Variants in EPHA6 observed in about 807,000 individuals in gnomAD.
EPHA6 encodes the protein ephrin type-A receptor 6.
EPHA6 carries 50 observed loss-of-function variants against 112.0 expected under a neutral mutation model. The ratio of observed to expected loss-of-function variants is 0.45; its 90% confidence interval spans 0.36 to 0.56. The LOEUF (loss-of-function observed/expected upper bound fraction) is 0.56. Among genes scored for constraint, EPHA6 ranks in the 20% least tolerant of loss-of-function variants. EPHA6 has a pLI of 0.00. For synonymous variants in EPHA6, 529 were observed against 490.7 expected, an observed-to-expected ratio of 1.08 and a Z score of -1.03; for missense variants, 1,280 against 1,417.4, an observed-to-expected ratio of 0.90 and a Z score of 1.56.
intron 4 of EPHA6, among the ~76,000 whole-genome samples, chr3:97,229,957 GAA>G (rs1320816174): frequency 1.3e-5 from 2 of 151,878 alleles, no homozygotes; most frequent in Non-Finnish European, 2.9e-5. Flanking sequence ...CTCACTTATG[GAA>G]AAAAGTTTTT....
chr3:97,736,980 TTTTTAG>T (rs1454566925), intron 16 of EPHA6, among the ~76,000 whole-genome samples: 1 of 151,976 alleles, frequency 6.6e-6, no homozygotes, highest in Non-Finnish European at 1.5e-5. Flanking sequence ...CCAGTGCAGG[TTTTTAG>T]TGACAGTAAG....
intron 1 of EPHA6, among the ~76,000 whole-genome samples, chr3:96,833,874 C>G (rs2034240746): frequency 6.6e-6 from 1 of 151,842 alleles, no homozygotes; most frequent in African/African-American, 2.4e-5. Context: ...ATTACTAGAC[C>G]TTATTCATTC....
chr3:97,495,703 A>G (rs2091959123), intron 10 of EPHA6, among the ~76,000 whole-genome samples: 1 of 152,168 alleles, frequency 6.6e-6, no homozygotes, highest in East Asian at 1.9e-4. Flanking sequence ...TCTTATCATA[A>G]GAGCTCAGCA....
chr3:97,521,462 TA>T (rs1285955243), intron 10 of EPHA6, among the ~76,000 whole-genome samples: 2 of 152,116 alleles, frequency 1.3e-5, no homozygotes. Context: ...GAAGAGGAAG[TA>T]AATATGTCCT....
chr3:97,556,384 T>C (rs2093109882), intron 11 of EPHA6, among the ~76,000 whole-genome samples: 1 of 151,590 alleles, frequency 6.6e-6, no homozygotes, highest in Non-Finnish European at 1.5e-5. Context: ...AGGAAAGAGG[T>C]TTAATTCACA....
At chr3:97,390,585 C>T (rs1009413814) in intron 5 of EPHA6, among the ~76,000 whole-genome samples, 1 of 143,280 alleles carries the variant, frequency 7.0e-6, no homozygotes, top group Non-Finnish European at 1.5e-5. Flanking sequence ...AGCTTCTACT[C>T]CCAAAAAGCA....
rs1559810632 is a variant in EPHA6, at chr3:96,897,211, A to ACACAC, written c.450+30322_450+30323insCACAC. On this transcript the variant is annotated intron_variant, in intron 2 of 17. Coordinates refer to ENST00000389672, the MANE Select transcript of EPHA6 (RefSeq NM_001080448.3). ...ATATCTATATATCTGTGTATATACAAACACACACACACACACACACACACA... is the reference window on the plus strand; with the variant it reads ...ATATCTATATATCTGTGTATATACAACACACACACACACACACACACACACACACA... Among the ~76,000 whole-genome samples the ACACAC allele has an allele frequency of 3.3e-3, 468 of 143,420 alleles. 3 individuals are homozygous for ACACAC. The highest frequency in any genetic ancestry group is 0.011 in the African/African-American group (438 of 40,346). 94.1% of individuals were successfully genotyped at this position (143,420 alleles called of 152,430 possible).
chr3:97,511,298 G>T (rs993885543), intron 10 of EPHA6, among the ~76,000 whole-genome samples: 5 of 152,160 alleles, frequency 3.3e-5, no homozygotes, highest in African/African-American at 1.2e-4. Flanking sequence ...TGAAATCCAG[G>T]GCTCTGGTGG....
intron 3 of EPHA6, among the ~76,000 whole-genome samples, chr3:97,168,378 A>T (rs1450635077): frequency 6.6e-6 from 1 of 152,046 alleles, no homozygotes; most frequent in African/African-American, 2.4e-5. Context: ...GGAGGTGATT[A>T]GATCGTGGGG....
intron 11 of EPHA6, among the ~76,000 whole-genome samples, chr3:97,591,282 A>G (rs551510402): frequency 3.2e-4 from 49 of 152,290 alleles, no homozygotes; most frequent in Non-Finnish European, 2.2e-4. Context: ...TTTCTTTACC[A>G]ATAACGTTCT....
intron 3 of EPHA6, among the ~76,000 whole-genome samples, chr3:97,220,897 GTGGATA>G (rs1366008694): frequency 2.0e-5 from 3 of 152,218 alleles, no homozygotes; most frequent in African/African-American, 7.2e-5. Flanking sequence ...AAACTGTGGA[GTGGATA>G]TGAGCAGGGA....
At chr3:97,298,180 T>A (rs2080944891) in intron 5 of EPHA6, among the ~76,000 whole-genome samples, 2 of 152,240 alleles carry the variant, frequency 1.3e-5, no homozygotes, top group Non-Finnish European at 2.9e-5. Flanking sequence ...AGTTTAATGT[T>A]GTACCAAAAC....
At chr3:97,097,601 A>G (rs2047279382) in intron 3 of EPHA6, among the ~76,000 whole-genome samples, 1 of 151,826 alleles carries the variant, frequency 6.6e-6, no homozygotes, top group South Asian at 2.1e-4. Flanking sequence ...ATAGCTTTAT[A>G]TAAAAGATAG....
At chr3:97,598,015 A>C (rs1196815493) in intron 12 of EPHA6, among the ~76,000 whole-genome samples, 1 of 152,234 alleles carries the variant, frequency 6.6e-6, no homozygotes, top group East Asian at 1.9e-4. Context: ...GAAAGTCAAC[A>C]GTGGAAAAGT....
chr3:97,749,352 T>C lies in EPHA6; in HGVS notation c.*651T>C, dbSNP rs993603384. ...TTTATAAATCTTCTGAGGCTGGGTT[T>C]GTCAATTTTTTAAAAATTAACTTTA... On this transcript the variant is annotated 3_prime_UTR_variant, in exon 18 of 18. Transcript: ENST00000389672. The C allele has an allele frequency of 7.2e-5, 15 of 209,042 alleles. No individual in the cohort carries two copies. Among genetic ancestry groups the C allele is most frequent in the Non-Finnish European group, 1.3e-4 (13 of 102,810 alleles). The allele number at this position is 209,042 out of a possible 1,614,324, so 12.9% of individuals were successfully genotyped here.
chr3:97,555,712 G>A (rs1577761457), intron 11 of EPHA6, among the ~76,000 whole-genome samples: 1 of 152,176 alleles, frequency 6.6e-6, no homozygotes, highest in Non-Finnish European at 1.5e-5. Flanking sequence ...TTTTTTGGCT[G>A]CATAAGTGTC....
rs903159125 is a variant in EPHA6, at chr3:97,759,914, T to G, written c.*11213T>G. 2 of 198,380 alleles carry G rather than the reference T, an allele frequency of 1.0e-5. No homozygotes were observed. The highest frequency in any genetic ancestry group is 2.3e-5 in the African/African-American group (1 of 43,462). The allele number at this position is 198,380 out of a possible 1,614,324, so 12.3% of individuals were successfully genotyped here. Reference sequence around the variant, plus strand: ...TTTGAATTCTGTGGTTTCCAAGGACTCTGGTAAGAGTCCTTTCCATAATGT... The same window carrying G: ...TTTGAATTCTGTGGTTTCCAAGGACGCTGGTAAGAGTCCTTTCCATAATGT... On this transcript the variant is annotated 3_prime_UTR_variant, in exon 18 of 18. Transcript: ENST00000389672.
intron 2 of EPHA6, among the ~76,000 whole-genome samples, chr3:96,875,882 C>T (rs1576208495): frequency 6.6e-6 from 1 of 150,954 alleles, no homozygotes; most frequent in African/African-American, 2.4e-5. Flanking sequence ...TACTTACAAA[C>T]CTTTAACTTC....
At chr3:97,032,597 C>T (rs1288848816) in intron 3 of EPHA6, among the ~76,000 whole-genome samples, 1 of 151,948 alleles carries the variant, frequency 6.6e-6, no homozygotes, top group Non-Finnish European at 1.5e-5. Flanking sequence ...AGACTCAGGA[C>T]CTTAAGAGTG....
Sources: gnomAD v4.1 joint callset for allele counts (sites outside exome capture counted in the v4.1 genomes callset) on GRCh38, gnomAD v4.1.1 for gene constraint, MANE v1.5 for transcripts, NCBI Gene and HGNC (gene_info 2026-07-23, HGNC 2026-07-21) for gene names.